PIWIL1: variants seen among roughly 807,000 people sequenced by gnomAD.
The protein encoded by PIWIL1 is piwi like RNA-mediated gene silencing 1.
PIWIL1 carries 73 observed loss-of-function variants against 114.4 expected under a neutral mutation model. The ratio of observed to expected loss-of-function variants is 0.64; its 90% CI spans 0.53 to 0.78. The LOEUF (loss-of-function observed/expected upper bound fraction) is 0.78. Among genes scored for constraint, PIWIL1 ranks in the 30% least tolerant of loss-of-function variants. PIWIL1 has a pLI of 0.00. For missense variants in PIWIL1, 723 were observed against 1,063.1 expected (o/e 0.68, Z 4.45); for synonymous variants, 375 against 369.0 (o/e 1.02, Z -0.19).
At chr12:130,369,385 T>C (rs990985195) in intron 19 of PIWIL1, among the ~76,000 whole-genome samples, 20 of 152,194 alleles carry the variant, frequency 1.3e-4, no homozygotes, top group African/African-American at 4.8e-4. Flanking sequence ...ATAGCAGAAT[T>C]ATTTATATTT....
chr12:130,400,915 G>A, the PIWIL1 span, among the ~76,000 whole-genome samples: 1 of 152,034 alleles, frequency 6.6e-6, no homozygotes, highest in African/African-American at 2.4e-5. Flanking sequence ...AAACAAAATG[G>A]AAAAAACAGG....
rs117554214 is a variant in PIWIL1, at chr12:130,340,995, G to T, written c.-12-1585G>T. ...TCGGAGGTTTTTAAAATTGAAAAAT[G>T]GCATTAGATTTATCTTTCTGTGAAG... On this transcript the variant is annotated intron_variant, in intron 1 of 20. Transcript: ENST00000245255. 3.1e-3 allele frequency among the ~76,000 whole-genome samples: 475 copies of T among 152,254 alleles called. 6 individuals are homozygous for T. The East Asian group carries it at 0.046, about 15-fold the overall frequency.
intron 19 of PIWIL1, among the ~76,000 whole-genome samples, chr12:130,368,694 T>C (rs1363624615): frequency 6.6e-6 from 1 of 152,206 alleles, no homozygotes; most frequent in Non-Finnish European, 1.5e-5. Flanking sequence ...CCCCCGATGC[T>C]TTCCAACATT....
At chr12:130,412,848 T>A in the PIWIL1 span, 5 of 1,469,810 alleles carry the variant, frequency 3.4e-6, no homozygotes, top group Non-Finnish European at 4.6e-6. Context: ...AATACAATAG[T>A]CCCACTGACG....
At chr12:130,396,416 C>CAAAT in the PIWIL1 span, 1 of 152,592 alleles carries the variant, frequency 6.6e-6, no homozygotes, top group African/African-American at 2.4e-5. Context: ...GAGTAACCAT[C>CAAAT]AAATACATCT....
At chr12:130,394,251 G>C in the PIWIL1 span, among the ~76,000 whole-genome samples, 1 of 152,164 alleles carries the variant, frequency 6.6e-6, no homozygotes, top group Non-Finnish European at 1.5e-5. Flanking sequence ...CTGTTTGGTA[G>C]TCCCAGGCAT....
At chr12:130,424,513 C>T in the PIWIL1 span, 504 of 1,232,010 alleles carry the variant, frequency 4.1e-4, 2 homozygotes, top group East Asian at 3.6e-3. The surrounding 1 kb of genome is among the most constrained non-coding windows in gnomAD (Gnocchi z 9.8). Flanking sequence ...CAGTCCAGGC[C>T]GCTGTCCGGG....
At position 130,354,930 on chromosome 12, in the gene PIWIL1, A is replaced by C; in HGVS notation, c.1214A>C (p.Asp405Ala). ...KMRNDFNVMK[D>A]LAVHTRLTPE... ...CGTAATGATTTTAACGTGATGAAAG[A>C]CTTAGCCGTTCATACAAGACTAACT... Residue 405 changes from aspartate to alanine, a missense_variant, in exon 11 of 21, where the codon GAC becomes GCC. This residue lies in a region of PIWIL1 where 298 missense variants were observed against 420.8 expected (regional missense o/e 0.71). Coordinates refer to ENST00000245255, the MANE Select transcript of PIWIL1 (RefSeq NM_004764.5). 6.2e-7 allele frequency: 1 copy of C among 1,613,882 alleles called. No homozygotes were observed. The highest frequency in any genetic ancestry group is 8.5e-7 in the Non-Finnish European group (1 of 1,179,742).
At chr12:130,352,111 G>T (rs1710162538) in intron 9 of PIWIL1, among the ~76,000 whole-genome samples, 1 of 152,130 alleles carries the variant, frequency 6.6e-6, no homozygotes, top group Admixed American at 6.6e-5. Context: ...GGAAATCAGG[G>T]ATAATCAGAT....
chr12:130,383,633 A>G, the PIWIL1 span: 3 of 152,204 alleles, frequency 2.0e-5, no homozygotes, highest in African/African-American at 4.8e-5. Flanking sequence ...TTTTAAATGC[A>G]CGTACCCAAG....
chr12:130,413,751 T>C, the PIWIL1 span, among the ~76,000 whole-genome samples: 1 of 151,816 alleles, frequency 6.6e-6, no homozygotes, highest in African/African-American at 2.4e-5. Context: ...GATGCTCCCT[T>C]CTTCCCTTTT....
At chr12:130,354,450 T>G in intron 9 of PIWIL1, 87 bp from the exon 10 acceptor site, 2 of 1,556,182 alleles carry the variant, frequency 1.3e-6, no homozygotes, top group East Asian at 4.5e-5. Context: ...AGCTCTTTAT[T>G]TTTTTAAAAA....
chr12:130,414,227 G>A, the PIWIL1 span: 24 of 1,614,018 alleles, frequency 1.5e-5, no homozygotes, highest in Non-Finnish European at 1.9e-5. Flanking sequence ...CAAAGATCCG[G>A]GCCGGGAGCT....
the PIWIL1 span, chr12:130,399,799 C>A: frequency 6.2e-7 from 1 of 1,614,130 alleles, no homozygotes; most frequent in South Asian, 1.1e-5. Flanking sequence ...GGCCTTTCTG[C>A]CCATTCAGCT....
downstream of PIWIL1, among the ~76,000 whole-genome samples, chr12:130,373,817 A>G (rs60333154): frequency 1.3e-5 from 2 of 152,234 alleles, no homozygotes; most frequent in African/African-American, 4.8e-5. Flanking sequence ...GACTAGGTTG[A>G]TGTCTGAGCC....
the PIWIL1 span, among the ~76,000 whole-genome samples, chr12:130,417,910 A>G: frequency 6.6e-6 from 1 of 152,078 alleles, no homozygotes; most frequent in Admixed American, 6.5e-5. Context: ...TGATCATGGG[A>G]GGTGGTCTCA....
At chr12:130,380,631 G>A in the PIWIL1 span, among the ~76,000 whole-genome samples, 1 of 152,258 alleles carries the variant, frequency 6.6e-6, no homozygotes, top group East Asian at 1.9e-4. Context: ...CATGTTGTTA[G>A]CTGATTTCTT....
At chr12:130,392,361 G>A in the PIWIL1 span, among the ~76,000 whole-genome samples, 1,181 of 27,326 alleles carry the variant, frequency 0.043, 6 homozygotes, top group Middle Eastern at 0.16. Flanking sequence ...GTGATGACCC[G>A]GTCACCGTCA....
intron 18 of PIWIL1, among the ~76,000 whole-genome samples, chr12:130,365,823 T>C (rs1307757393): frequency 6.6e-6 from 1 of 152,256 alleles, no homozygotes; most frequent in African/African-American, 2.4e-5. Context: ...CTGAACTTAA[T>C]CTCTGTAAGT....
Sources: allele counts gnomAD v4.1 joint callset (sites outside exome capture counted in the v4.1 genomes callset), GRCh38; gene constraint gnomAD v4.1.1; regional missense constraint gnomAD v4.1.1; non-coding constraint Gnocchi (gnomAD v3.1); transcripts MANE v1.5; gene names NCBI Gene and HGNC (gene_info 2026-07-23, HGNC 2026-07-21).